Variants in SLC7A11 observed in about 807,000 individuals in gnomAD.
The protein encoded by SLC7A11 is solute carrier family 7 member 11.
Under a neutral mutation model 54.5 loss-of-function variants are expected in SLC7A11, and 35 were observed. That is an observed-to-expected ratio of 0.64 (90% confidence interval 0.49 to 0.85). SLC7A11 has a LOEUF of 0.85. Among genes scored for constraint, SLC7A11 ranks in the 40% least tolerant of loss-of-function variants. SLC7A11 has a pLI of 0.00. For missense variants in SLC7A11, 583 were observed against 618.1 expected (o/e 0.94, Z 0.60); for synonymous variants, 230 against 225.2 (o/e 1.02, Z -0.19).
chr4:138,236,513 G>A, intron 1 of SLC7A11, 62 bp from the exon 2 acceptor site: 1 of 1,464,642 alleles, frequency 6.8e-7, no homozygotes, highest in East Asian at 2.3e-5. Flanking sequence ...CCCAGCATTA[G>A]AATAGATACA....
intron 6 of SLC7A11, among the ~76,000 whole-genome samples, chr4:138,186,869 G>T (rs897542159): frequency 6.6e-6 from 1 of 152,126 alleles, no homozygotes; most frequent in Non-Finnish European, 1.5e-5. Flanking sequence ...AATCCTTTCA[G>T]CTTTTATAAG....
chr4:138,214,480 G>T lies in SLC7A11; in HGVS notation c.791+105C>A, dbSNP rs557510039. On this transcript the variant is annotated intron_variant, in intron 6 of 11. Transcript: ENST00000280612. Reference sequence around the variant, plus strand: ...ATAGTGATGATGATGACGATGTTAAGGTTGACTAGCCCACACTGAATTCCT... The same window carrying T: ...ATAGTGATGATGATGACGATGTTAATGTTGACTAGCCCACACTGAATTCCT... 1.8e-5 allele frequency: 10 copies of T among 554,116 alleles called. No individual in the cohort carries two copies. The South Asian group carries it at 2.6e-4, about 14-fold the overall frequency. The allele number at this position is 554,116 out of a possible 1,614,324, so 34.3% of individuals were successfully genotyped here. A position where few individuals can be genotyped will look rare whatever the true frequency, so the allele number is the denominator to read the frequency against.
chr4:138,171,906 T>C lies in SLC7A11; in HGVS notation c.*50A>G. On this transcript the variant is annotated 3_prime_UTR_variant, in exon 12 of 12. Coordinates refer to ENST00000280612, the MANE Select transcript of SLC7A11 (RefSeq NM_014331.4). ...TTTCAGAAAATGAAGTAAAAATCCC[T>C]ATTTTGTGTCTCCCCTTGGGCAGAT... is the stretch of plus-strand genomic sequence containing the variant. The C allele has an allele frequency of 6.4e-7, 1 of 1,554,912 alleles. No homozygotes were observed. The highest frequency in any genetic ancestry group is 1.7e-4 in the Middle Eastern group (1 of 5,906).
chr4:138,235,787 A>C (rs1738193899), intron 2 of SLC7A11, among the ~76,000 whole-genome samples: 1 of 152,208 alleles, frequency 6.6e-6, no homozygotes, highest in African/African-American at 2.4e-5. Flanking sequence ...GACTTTTGGA[A>C]CTGTAGTTCC....
At position 138,228,495 on chromosome 4, in the gene SLC7A11, A is replaced by T. The variant is rs1737994873; in HGVS notation, c.520+3772T>A. The stretch of plus-strand genomic sequence containing the variant: ...AATTACAGGTCGGGCGCGATGGCTC[A>T]TGCCTGTAATCCCAGCACTTTGCGA... On this transcript the variant is annotated intron_variant, in intron 3 of 11. Transcript: ENST00000280612. Among the ~76,000 whole-genome samples the T allele has an allele frequency of 3.9e-5, 6 of 152,272 alleles. No homozygotes were observed. In the South Asian group the frequency reaches 8.3e-4, roughly 21 times the overall value.
chr4:138,225,173 A>ATATAT (rs1266953642), intron 3 of SLC7A11, among the ~76,000 whole-genome samples: 80 of 111,016 alleles, frequency 7.2e-4, no homozygotes, highest in Non-Finnish European at 1.3e-3. Context: ...TATATATATA[A>ATATAT]ATAAAATCAT....
chr4:138,208,172 C>T (rs562428162), intron 6 of SLC7A11, among the ~76,000 whole-genome samples: 1 of 152,198 alleles, frequency 6.6e-6, no homozygotes, highest in Non-Finnish European at 1.5e-5. Context: ...ATTAATTAAA[C>T]ATGACACTCT....
At chr4:138,189,951 C>T (rs182386067) in intron 6 of SLC7A11, among the ~76,000 whole-genome samples, 4 of 152,192 alleles carry the variant, frequency 2.6e-5, no homozygotes, top group Non-Finnish European at 4.4e-5. Flanking sequence ...ATTCTCTAAT[C>T]GTCTGAATTT....
intron 11 of SLC7A11, among the ~76,000 whole-genome samples, chr4:138,174,005 AAAAC>A (rs1736504000): frequency 6.6e-6 from 1 of 152,174 alleles, no homozygotes; most frequent in South Asian, 2.1e-4. Flanking sequence ...AACAAACAGA[AAAAC>A]AAGAGATCTC....
At chr4:138,209,142 A>G (rs1737481018) in intron 6 of SLC7A11, among the ~76,000 whole-genome samples, 2 of 152,142 alleles carry the variant, frequency 1.3e-5, no homozygotes, top group South Asian at 4.1e-4. Context: ...TTTAATACAC[A>G]TTGGTATTTT....
chr4:138,201,121 A>G (rs936717950), intron 6 of SLC7A11, among the ~76,000 whole-genome samples: 2 of 152,126 alleles, frequency 1.3e-5, no homozygotes, highest in East Asian at 1.9e-4. Context: ...AAAATCATAC[A>G]TTCTATTCTT....
At chr4:138,201,675 C>G (rs1169175229) in intron 6 of SLC7A11, among the ~76,000 whole-genome samples, 1 of 152,040 alleles carries the variant, frequency 6.6e-6, no homozygotes, top group Admixed American at 6.6e-5. Context: ...GAAACAGCTT[C>G]CCCATGTCCA....
At chr4:138,184,078 T>C (rs568439242) in intron 7 of SLC7A11, among the ~76,000 whole-genome samples, 2 of 152,310 alleles carry the variant, frequency 1.3e-5, no homozygotes, top group South Asian at 2.1e-4. Context: ...TCATTAGTTG[T>C]CCTTGATGCA....
At chr4:138,177,636 G>GAT (rs1270755082) in intron 11 of SLC7A11, 1 of 152,094 alleles carries the variant, frequency 6.6e-6, no homozygotes, top group Non-Finnish European at 1.5e-5. Context: ...GTTCTCATCT[G>GAT]GACTTGGGAA....
At chr4:138,214,353 T>C in intron 6 of SLC7A11, among the ~76,000 whole-genome samples, 1 of 151,536 alleles carries the variant, frequency 6.6e-6, no homozygotes, top group East Asian at 1.9e-4. Flanking sequence ...GACAACTTAG[T>C]ATTGAATGTA....
intron 5 of SLC7A11, among the ~76,000 whole-genome samples, chr4:138,216,240 A>G (rs1737678163): frequency 6.6e-6 from 1 of 152,192 alleles, no homozygotes; most frequent in African/African-American, 2.4e-5. Context: ...AATTATTTTT[A>G]AAAGAAGCTT....
At chr4:138,216,818 G>A (rs1345205086) in intron 5 of SLC7A11, among the ~76,000 whole-genome samples, 1 of 152,116 alleles carries the variant, frequency 6.6e-6, no homozygotes, top group Non-Finnish European at 1.5e-5. Flanking sequence ...TATTAGGGGG[G>A]TATCAAACAT....
chr4:138,190,245 AAAAG>A (rs1168449524), intron 6 of SLC7A11, among the ~76,000 whole-genome samples: 3 of 152,198 alleles, frequency 2.0e-5, no homozygotes, highest in Admixed American at 6.6e-5. Flanking sequence ...CATTCAGAAA[AAAAG>A]AAAGGAGGGA....
intron 6 of SLC7A11, among the ~76,000 whole-genome samples, chr4:138,210,726 A>C (rs1056249943): frequency 6.6e-6 from 1 of 152,124 alleles, no homozygotes; most frequent in African/African-American, 2.4e-5. Context: ...AAGGGCTATT[A>C]TTAGAAAGTC....
Sources: gnomAD v4.1 joint callset for allele counts (sites outside exome capture counted in the v4.1 genomes callset) on GRCh38, gnomAD v4.1.1 for gene constraint, MANE v1.5 for transcripts, NCBI Gene and HGNC (gene_info 2026-07-23, HGNC 2026-07-21) for gene names.